Variants in PCDH15 observed in about 807,000 individuals in gnomAD.
PCDH15 encodes the protein protocadherin related 15.
A neutral mutation model predicts 178.5 loss-of-function variants in PCDH15; 129 were observed. The ratio of observed to expected loss-of-function variants is 0.72; its 90% CI spans 0.63 to 0.84. The LOEUF is 0.84. Ranked by LOEUF, PCDH15 falls within the 40% of genes least tolerant of loss-of-function variation. The probability of loss-of-function intolerance (pLI) is 0.00; values close to 1 mark genes in which losing one functional copy is unlikely to be tolerated. For missense variants in PCDH15, 2,230 were observed against 2,099.9 expected, an observed-to-expected ratio of 1.06 and a Z score of -1.21; for synonymous variants, 800 against 732.0, an observed-to-expected ratio of 1.09 and a Z score of -1.50.
chr10:53,914,908 G>T (rs2083416818), intron 25 of PCDH15, among the ~76,000 whole-genome samples: 1 of 152,150 alleles, frequency 6.6e-6, no homozygotes, highest in Non-Finnish European at 1.5e-5. Context: ...ACATCTTGAA[G>T]ATTCTGGTTT....
chr10:54,075,428 TA>T (rs1265375650), intron 17 of PCDH15, among the ~76,000 whole-genome samples: 2 of 152,244 alleles, frequency 1.3e-5, no homozygotes, highest in East Asian at 3.9e-4. Flanking sequence ...ACTTATCATA[TA>T]TATGATTTGC....
chr10:55,564,502 T>C (rs557088151), intron 2 of PCDH15, among the ~76,000 whole-genome samples: 60 of 151,852 alleles, frequency 4.0e-4, no homozygotes, highest in African/African-American at 1.4e-3. Flanking sequence ...CAGTTACAGT[T>C]ATCTTCTTAT....
chr10:54,355,668 G>C (rs1014318006), intron 5 of PCDH15, among the ~76,000 whole-genome samples: 1 of 151,848 alleles, frequency 6.6e-6, no homozygotes, highest in Admixed American at 6.6e-5. Context: ...AAAATATTTT[G>C]GGTTATTTTA....
intron 9 of PCDH15, among the ~76,000 whole-genome samples, chr10:54,234,132 C>CTGTGTGTGTGTGTG (rs35466519): frequency 2.5e-4 from 34 of 138,546 alleles, no homozygotes; most frequent in Non-Finnish European, 4.4e-4. Context: ...ATATCCCCTT[C>CTGTGTGTGTGTGTG]TGTGTGTGTG....
intron 18 of PCDH15, among the ~76,000 whole-genome samples, chr10:54,052,430 T>G (rs749599133): frequency 6.6e-6 from 1 of 152,214 alleles, no homozygotes; most frequent in East Asian, 1.9e-4. Flanking sequence ...GAGGTCATTT[T>G]GAAACTTTAA....
chr10:53,961,340 A>C (rs2088287184), intron 22 of PCDH15, among the ~76,000 whole-genome samples: 1 of 152,060 alleles, frequency 6.6e-6, no homozygotes, highest in South Asian at 2.1e-4. Context: ...AAAGCAACTC[A>C]GTATTATATT....
At chr10:54,751,232 C>A (rs34855663) in intron 1 of PCDH15, among the ~76,000 whole-genome samples, 1,550 of 152,132 alleles carry the variant, frequency 0.01, 11 homozygotes, top group Non-Finnish European at 0.016. Flanking sequence ...TAAGATTTAT[C>A]TCTACTATGT....
chr10:54,858,686 C>A (rs1394229006), intron 3 of PCDH15, among the ~76,000 whole-genome samples: 1 of 151,794 alleles, frequency 6.6e-6, no homozygotes, highest in Admixed American at 6.6e-5. Context: ...ATATAGTTAT[C>A]TATATTTAAG....
intron 23 of PCDH15, among the ~76,000 whole-genome samples, chr10:53,957,484 C>G (rs1434722135): frequency 6.7e-6 from 1 of 148,284 alleles, no homozygotes; most frequent in Non-Finnish European, 1.5e-5. Flanking sequence ...CAGATGACAC[C>G]AAAGCCTATA....
intron 1 of PCDH15, among the ~76,000 whole-genome samples, chr10:54,787,878 A>C (rs1951038770): frequency 6.6e-6 from 1 of 152,008 alleles, no homozygotes; most frequent in Admixed American, 6.6e-5. Flanking sequence ...AAATTTATTT[A>C]TCTTCTCTTT....
chr10:54,734,330 G>A (rs1405643016), intron 1 of PCDH15, among the ~76,000 whole-genome samples: 4 of 151,676 alleles, frequency 2.6e-5, no homozygotes, highest in Non-Finnish European at 5.9e-5. Context: ...AGTCATTAGG[G>A]GCATGCAAAT....
At chr10:55,615,611 T>G (rs182724044) in intron 2 of PCDH15, among the ~76,000 whole-genome samples, 80 of 152,282 alleles carry the variant, frequency 5.3e-4, no homozygotes, top group African/African-American at 1.9e-3. Flanking sequence ...ACCAGCACTA[T>G]AATACCAGCC....
intron 3 of PCDH15, among the ~76,000 whole-genome samples, chr10:54,852,764 A>G (rs887115511): frequency 6.6e-5 from 10 of 151,754 alleles, no homozygotes; most frequent in African/African-American, 2.4e-4. Context: ...GAGGCAGGAG[A>G]ATCGCTTGAA....
chr10:55,341,793 ATATATATATATATTTTTTTTTT>A (rs1194560090), intron 2 of PCDH15, among the ~76,000 whole-genome samples: 4 of 12,908 alleles, frequency 3.1e-4, no homozygotes, highest in African/African-American at 1.3e-3. Flanking sequence ...ATATATATAT[ATATATATATATATTTTTTTTTT>A]TTTTTTTTTT....
intron 1 of PCDH15, among the ~76,000 whole-genome samples, chr10:55,300,560 T>C (rs1176875905): frequency 2.3e-4 from 35 of 152,184 alleles, no homozygotes; most frequent in Admixed American, 2.1e-3. Context: ...ACATTAAAAA[T>C]TGGAAATTCA....
At chr10:53,814,969 A>C (rs948259775) in intron 35 of PCDH15, among the ~76,000 whole-genome samples, 2 of 151,840 alleles carry the variant, frequency 1.3e-5, no homozygotes, top group Non-Finnish European at 2.9e-5. Flanking sequence ...TCTCAAAAAA[A>C]AAAAAAAAAA....
chr10:54,853,083 A>C (rs1953655902), intron 3 of PCDH15, among the ~76,000 whole-genome samples: 1 of 150,200 alleles, frequency 6.7e-6, no homozygotes, highest in Admixed American at 6.6e-5. Context: ...CAATGTGGAG[A>C]AACCCCATCT....
At chr10:55,340,924 T>A (rs979077712) in intron 2 of PCDH15, among the ~76,000 whole-genome samples, 1 of 151,994 alleles carries the variant, frequency 6.6e-6, no homozygotes, top group Admixed American at 6.6e-5. Flanking sequence ...CACATTCTTA[T>A]AGACTATAAT....
chr10:54,130,451 C>A (rs2042341758), intron 15 of PCDH15, among the ~76,000 whole-genome samples: 1 of 152,096 alleles, frequency 6.6e-6, no homozygotes, highest in South Asian at 2.1e-4. Flanking sequence ...AAAAAATCTA[C>A]CTATAACTGA....
Sources: gnomAD v4.1 joint callset for allele counts (sites outside exome capture counted in the v4.1 genomes callset) on GRCh38, gnomAD v4.1.1 for gene constraint, MANE v1.5 for transcripts, NCBI Gene and HGNC (gene_info 2026-07-23, HGNC 2026-07-21) for gene names.